The following AUTS2 variants were observed in gnomAD, a reference collection of about 807,000 sequenced individuals.
AUTS2 encodes activator of transcription and developmental regulator AUTS2, also known as autism susceptibility gene 2 protein.
AUTS2 carries 17 observed loss-of-function variants against 112.4 expected under a neutral mutation model. That is an observed-to-expected ratio of 0.15 (90% CI 0.10 to 0.23). The LOEUF (loss-of-function observed/expected upper bound fraction) is 0.23, where lower values mean the gene tolerates loss of function less well. Among genes scored for constraint, AUTS2 ranks in the 10% least tolerant of loss-of-function variants. AUTS2 has a pLI of 1.00. For synonymous variants in AUTS2, 751 were observed against 702.7 expected, an observed-to-expected ratio of 1.07 and a Z score of -1.09; for missense variants, 1,510 against 1,701.6, an observed-to-expected ratio of 0.89 and a Z score of 1.98.
chr7:69,677,535 A>C (rs1237754710), intron 1 of AUTS2, among the ~76,000 whole-genome samples: 3 of 152,206 alleles, frequency 2.0e-5, no homozygotes, highest in Non-Finnish European at 2.9e-5. Flanking sequence ...TCTTGTCCTT[A>C]ACAAAAGGTC....
chr7:69,652,345 G>A (rs1795332148), intron 1 of AUTS2, among the ~76,000 whole-genome samples: 1 of 151,694 alleles, frequency 6.6e-6, no homozygotes, highest in African/African-American at 2.4e-5. Flanking sequence ...CTTCCCCTTT[G>A]CTTGGTGGCT....
At chr7:70,682,292 C>G (rs1273560511) in intron 5 of AUTS2, among the ~76,000 whole-genome samples, 3 of 152,168 alleles carry the variant, frequency 2.0e-5, no homozygotes, top group Non-Finnish European at 2.9e-5. Context: ...AAACTGCAAT[C>G]TGTTTTGGAT....
intron 4 of AUTS2, among the ~76,000 whole-genome samples, chr7:70,142,117 G>T (rs770621689): frequency 3.3e-5 from 5 of 152,284 alleles, no homozygotes; most frequent in Middle Eastern, 3.4e-3. Context: ...CTGTCTACAG[G>T]AATCTTTGAC....
chr7:70,750,623 A>G (rs1017445034), intron 6 of AUTS2, among the ~76,000 whole-genome samples: 20 of 152,304 alleles, frequency 1.3e-4, no homozygotes, highest in Admixed American at 1.1e-3. Flanking sequence ...GCTGGTCTCA[A>G]ACTCCTGGGC....
At chr7:70,162,755 G>A (rs1201531757) in intron 4 of AUTS2, among the ~76,000 whole-genome samples, 1 of 152,098 alleles carries the variant, frequency 6.6e-6, no homozygotes, top group Non-Finnish European at 1.5e-5. Flanking sequence ...GTAGAAAAAT[G>A]TACGAAGAAA....
chr7:69,850,095 G>A (rs1015667476), intron 1 of AUTS2, among the ~76,000 whole-genome samples: 1 of 151,932 alleles, frequency 6.6e-6, no homozygotes, highest in African/African-American at 2.4e-5. Flanking sequence ...AGGAGATTGA[G>A]ACCAGCCTGG....
intron 2 of AUTS2, among the ~76,000 whole-genome samples, chr7:70,076,229 TA>T (rs35609711): frequency 5.3e-5 from 8 of 151,884 alleles, no homozygotes; most frequent in South Asian, 2.1e-4. Context: ...AGAGTTGGCA[TA>T]AAAAAAAGCA....
At chr7:70,609,945 T>A (rs971993060) in intron 5 of AUTS2, among the ~76,000 whole-genome samples, 2 of 145,286 alleles carry the variant, frequency 1.4e-5, no homozygotes, top group Non-Finnish European at 3.0e-5. Flanking sequence ...CTGAATCATA[T>A]GGAAGTTCTG....
rs572644013 is a variant in AUTS2, at chr7:70,448,138, A to G, written c.690+12357A>G. Among the ~76,000 whole-genome samples, 113 of 152,300 alleles carry G rather than the reference A, an allele frequency of 7.4e-4. 4 individuals are homozygous for G. The South Asian group carries it at 0.016, about 22-fold the overall frequency. ...CACTTGAATGTACTCTCGTGCCTAC[A>G]GTGTGGACATGACTTTTTGTTCTGA... On this transcript the variant is annotated intron_variant, in intron 5 of 18. Transcript: ENST00000342771.
At chr7:70,111,700 T>A (rs985717686) in intron 2 of AUTS2, among the ~76,000 whole-genome samples, 31 of 152,204 alleles carry the variant, frequency 2.0e-4, no homozygotes, top group Admixed American at 2.0e-4. Context: ...TTTTGTTTTG[T>A]CACCAGATTT....
chr7:69,659,582 TG>T (rs1218302289), intron 1 of AUTS2, among the ~76,000 whole-genome samples: 81 of 128,320 alleles, frequency 6.3e-4, no homozygotes, highest in East Asian at 2.3e-3. Context: ...GAGGCTTAGT[TG>T]TTTTTTTTTT....
intron 2 of AUTS2, among the ~76,000 whole-genome samples, chr7:70,034,967 G>A (rs574577591): frequency 6.6e-6 from 1 of 152,142 alleles, no homozygotes; most frequent in Admixed American, 6.5e-5. Flanking sequence ...ATGTAGCTGG[G>A]ACTATAGTCA....
intron 2 of AUTS2, among the ~76,000 whole-genome samples, chr7:70,079,636 A>G (rs1803204373): frequency 1.3e-5 from 2 of 152,164 alleles, no homozygotes; most frequent in African/African-American, 4.8e-5. Context: ...GAGGTTATTT[A>G]CATCTAGTAT....
At chr7:69,681,879 A>T (rs1796815490) in intron 1 of AUTS2, among the ~76,000 whole-genome samples, 1 of 152,166 alleles carries the variant, frequency 6.6e-6, no homozygotes, top group African/African-American at 2.4e-5. Flanking sequence ...AGTGACGAGG[A>T]TGGAGACCTT....
At chr7:70,464,061 G>A (rs1797077886) in intron 5 of AUTS2, among the ~76,000 whole-genome samples, 1 of 152,170 alleles carries the variant, frequency 6.6e-6, no homozygotes, top group Admixed American at 6.5e-5. Context: ...CACAGGAAAG[G>A]GGGGCCTGTT....
chr7:70,244,990 CAT>C (rs1361915951), intron 4 of AUTS2, among the ~76,000 whole-genome samples: 1 of 151,186 alleles, frequency 6.6e-6, no homozygotes, highest in Non-Finnish European at 1.5e-5. Context: ...TGTGGTGGCG[CAT>C]GCCTGTAATC....
chr7:69,888,927 A>G (rs190953780), intron 1 of AUTS2, among the ~76,000 whole-genome samples: 24 of 152,280 alleles, frequency 1.6e-4, no homozygotes, highest in Non-Finnish European at 1.9e-4. Flanking sequence ...TATAACAGAA[A>G]TAATTAGATA....
At position 70,790,946 on chromosome 7, in the gene AUTS2, A is replaced by G; in HGVS notation, c.3730A>G (p.Ile1244Val). The G allele has an allele frequency of 6.6e-7, 1 of 1,519,800 alleles. No individual in the cohort carries two copies. The highest frequency in any genetic ancestry group is 8.8e-7 in the Non-Finnish European group (1 of 1,134,436). 94.1% of individuals were successfully genotyped at this position (1,519,800 alleles called of 1,614,324 possible). A position where few individuals can be genotyped will look rare whatever the true frequency, so the allele number is the denominator to read the frequency against. The stretch of plus-strand genomic sequence containing the variant: ...AAGGACGACTCCTCTGTCCGCAGAG[A>G]TAAGGGAGAGGCCCCCTTCCCACAC... ...PRRTTPLSAEIRERPPSHTLK... is the reference protein window; with the variant it reads ...PRRTTPLSAEVRERPPSHTLK... Residue 1244 changes from isoleucine to valine, a missense_variant, in exon 19 of 19, where the codon ATA (isoleucine) becomes GTA (valine). Around this residue, in one of 3 missense-constraint regions of AUTS2, gnomAD observed 788 missense variants for 797.6 expected, o/e 0.99. Transcript: ENST00000342771. This position sits in a 1 kb window ranked among gnomAD's most constrained non-coding sequence, Gnocchi z 7.6.
At chr7:70,634,721 A>G (rs1466264128) in intron 5 of AUTS2, among the ~76,000 whole-genome samples, 4 of 152,162 alleles carry the variant, frequency 2.6e-5, no homozygotes, top group Non-Finnish European at 5.9e-5. Context: ...CAGCGGGGTG[A>G]CCTCAGCCAA....
Sources: gnomAD v4.1 joint callset for allele counts (sites outside exome capture counted in the v4.1 genomes callset) on GRCh38, gnomAD v4.1.1 for gene constraint, gnomAD v4.1.1 regional missense constraint, Gnocchi (gnomAD v3.1) non-coding constraint, MANE v1.5 for transcripts, NCBI Gene and HGNC (gene_info 2026-07-23, HGNC 2026-07-21) for gene names.